TCP10L: variants seen among roughly 807,000 people sequenced by gnomAD.
The protein encoded by TCP10L is T-complex protein 10A homolog 1.
TCP10L carries 11 observed loss-of-function variants against 19.2 expected under a neutral mutation model. That is an observed-to-expected ratio of 0.57 (90% confidence interval 0.36 to 0.95). The LOEUF is 0.95. TCP10L is among the 40% of genes least tolerant of loss of function. TCP10L has a pLI of 0.01. For missense variants in TCP10L, 247 were observed against 263.9 expected, an observed-to-expected ratio of 0.94 and a Z score of 0.44; for synonymous variants, 96 against 97.2, an observed-to-expected ratio of 0.99 and a Z score of 0.07.
chr21:32,579,534 A>G (rs1299702262), intron 3 of TCP10L, among the ~76,000 whole-genome samples: 1 of 152,202 alleles, frequency 6.6e-6, no homozygotes, highest in Non-Finnish European at 1.5e-5. Flanking sequence ...GGATTCACAT[A>G]TCCCATCCTG....
chr21:32,578,801 G>T lies in TCP10L; in HGVS notation c.391C>A (p.Pro131Thr). The change falls in exon 4 of 5, where the codon CCT (proline) becomes ACT (threonine). Residue 131 changes from proline (P) to threonine (T), a missense_variant. Pro to Thr is a conservative substitution (Grantham distance 38). Transcript: ENST00000300258. This position sits in a 1 kb window ranked among gnomAD's most constrained non-coding sequence, Gnocchi z 4.2. ...ATTGTCTCTTCATCAGCTGACAGAG[G>T]TGAAATTTTTCCAAAAGCAGGTTCC... Reference protein sequence around the residue: ...ALEPAFGKISPLSADEETIPK... With the variant: ...ALEPAFGKISTLSADEETIPK... The T allele has an allele frequency of 1.9e-6, 3 of 1,614,170 alleles. No homozygotes were observed. Among genetic ancestry groups the T allele is most frequent in the Non-Finnish European group, 2.5e-6 (3 of 1,180,038 alleles).
At chr21:32,579,204 C>T (rs2038466346) in intron 3 of TCP10L, among the ~76,000 whole-genome samples, 1 of 152,230 alleles carries the variant, frequency 6.6e-6, no homozygotes, top group East Asian at 1.9e-4. Flanking sequence ...GTTGTCTCTA[C>T]AACTTGTCTA....
rs568315514 is a variant in TCP10L, at chr21:32,576,630, A to G, written c.*144T>C. ...ACTTCAAGTTTTTATCTATAGAAAC[A>G]TAATTAGTTTAATAAATTACTAGGT... On this transcript the variant is annotated 3_prime_UTR_variant, in exon 5 of 5. Coordinates refer to ENST00000300258, the MANE Select transcript of TCP10L (RefSeq NM_144659.7). The G allele has an allele frequency of 8.0e-6, 7 of 875,746 alleles. No individual in the cohort carries two copies. The highest frequency in any genetic ancestry group is 1.2e-5 in the Non-Finnish European group (7 of 577,684). The allele number at this position is 875,746 out of a possible 1,614,324, so 54.2% of individuals were successfully genotyped here. A position where few individuals can be genotyped will look rare whatever the true frequency, so the allele number is the denominator to read the frequency against.
intron 2 of TCP10L, 85 bp downstream of exon 2, chr21:32,584,076 G>A (rs1016664397): frequency 6.6e-7 from 1 of 1,511,474 alleles, no homozygotes; most frequent in Middle Eastern, 2.4e-4. Context: ...GGTCCAGCAA[G>A]GGAAAGTCCA....
At chr21:32,581,636 C>G (rs142427561) in intron 3 of TCP10L, among the ~76,000 whole-genome samples, 47 of 152,272 alleles carry the variant, frequency 3.1e-4, no homozygotes, top group African/African-American at 8.4e-4. Context: ...GCGAGCCACA[C>G]CCCCATCGCA....
At position 32,573,877 on chromosome 21, in the gene TCP10L, CTG is replaced by C. The variant is rs1035025242; in HGVS notation, c.*2895_*2896del. Among the ~76,000 whole-genome samples the C allele has an allele frequency of 3.9e-5, 6 of 152,166 alleles. No individual in the cohort carries two copies. The highest frequency in any genetic ancestry group is 1.4e-4 in the African/African-American group (6 of 41,436). On this transcript the variant is annotated 3_prime_UTR_variant, in exon 5 of 5. Transcript: ENST00000300258. The stretch of plus-strand genomic sequence containing the variant: ...AACATACAAATAACACCTGCCATGA[CTG>C]TGGCACTGTTTCTAAATGCAGATCA...
In TCP10L at chr21:32,578,654, C is replaced by A. The variant is rs932865586; in HGVS notation, c.498+40G>T. The A allele has an allele frequency of 3.1e-6, 5 of 1,594,820 alleles. No individual in the cohort carries two copies. The highest frequency in any genetic ancestry group is 4.3e-6 in the Non-Finnish European group (5 of 1,171,228). On this transcript the variant is annotated intron_variant, in intron 4 of 4. Transcript: ENST00000300258. The surrounding 1 kb of genome is among the most constrained non-coding windows in gnomAD (Gnocchi z 4.2). ...GGGATGTGTGTGTTTGGGTACAGAA[C>A]CTCTGCTTCTCTTTACAGATGATAA... is the stretch of plus-strand genomic sequence containing the variant.
chr21:32,584,840 G>A (rs2038542124), intron 1 of TCP10L, among the ~76,000 whole-genome samples: 1 of 152,150 alleles, frequency 6.6e-6, no homozygotes, highest in Non-Finnish European at 1.5e-5. Flanking sequence ...ACCGTGTTGA[G>A]TATGTGTCTT....
chr21:32,579,857 C>T (rs945825116), intron 3 of TCP10L, among the ~76,000 whole-genome samples: 5 of 152,130 alleles, frequency 3.3e-5, no homozygotes, highest in Non-Finnish European at 7.4e-5. Context: ...TGGACAATCC[C>T]GGCCAGTATT....
rs1024596707 is a variant in TCP10L, at chr21:32,573,837, C to T, written c.*2937G>A. ...TTCAACACCTGATACAAATAACACA[C>T]AGAGACATACAAATAACATACAAAT... On this transcript the variant is annotated 3_prime_UTR_variant, in exon 5 of 5. Coordinates refer to ENST00000300258, the MANE Select transcript of TCP10L (RefSeq NM_144659.7). Among the ~76,000 whole-genome samples, 1 of 152,156 alleles carries T rather than the reference C, an allele frequency of 6.6e-6. No individual in the cohort carries two copies. The highest frequency in any genetic ancestry group is 6.5e-5 in the Admixed American group (1 of 15,280).
In TCP10L at chr21:32,582,112, G is replaced by A. The variant is rs181162049; in HGVS notation, c.360+88C>T. The A allele has an allele frequency of 1.1e-4, 159 of 1,452,896 alleles. No homozygotes were observed. In the East Asian group the frequency reaches 3.3e-3, roughly 30 times the overall value. The allele number at this position is 1,452,896 out of a possible 1,614,324, so 90.0% of individuals were successfully genotyped here. ...CCACCCGGAGCGTGAGTGATACCGC[G>A]TCATTCAGCAATAAAGCCCACATCT... On this transcript the variant is annotated intron_variant, in intron 3 of 4. Transcript: ENST00000300258. The surrounding 1 kb of genome is among the most constrained non-coding windows in gnomAD (Gnocchi z 4.2).
At chr21:32,579,258 C>A (rs1009973112) in intron 3 of TCP10L, among the ~76,000 whole-genome samples, 2 of 152,196 alleles carry the variant, frequency 1.3e-5, no homozygotes, top group Non-Finnish European at 2.9e-5. Context: ...TATCAGCAGA[C>A]TGACCTGGAA....
At position 32,576,780 on chromosome 21, in the gene TCP10L, AC is replaced by A. The variant is rs541034925; in HGVS notation, c.641del (p.Gly214ValfsTer26). The A allele has an allele frequency of 1.4e-5, 23 of 1,609,864 alleles. No homozygotes were observed. Among genetic ancestry groups the A allele is most frequent in the South Asian group, 1.1e-4 (10 of 90,116 alleles). ...CGAGGCCACCTTTCCATCTTCAGACACCCCCCCGTCTCTCTGCACAGGGAGT... is the reference window on the plus strand; with the variant it reads ...CGAGGCCACCTTTCCATCTTCAGACACCCCCCGTCTCTCTGCACAGGGAGT... ...RPTPCAERRGGV is the reference protein window; with the variant it reads ...RPTPCAERRGXV On this transcript the variant is annotated frameshift_variant, in exon 5 of 5. Coordinates refer to ENST00000300258, the MANE Select transcript of TCP10L (RefSeq NM_144659.7). LOFTEE classifies it high-confidence loss of function.
chr21:32,576,809 G>T lies in TCP10L; in HGVS notation c.613C>A (p.Pro205Thr). The T allele has an allele frequency of 1.2e-6, 2 of 1,614,038 alleles. No individual in the cohort carries two copies. The highest frequency in any genetic ancestry group is 1.7e-6 in the Non-Finnish European group (2 of 1,180,008). ...QDRRATPTGR[P>T]TPCAERRGGV ...CCCCGTCTCTCTGCACAGGGAGTTGGCCTTCCAGTAGGTGTTGCTCTTCTG... is the reference window on the plus strand; with the variant it reads ...CCCCGTCTCTCTGCACAGGGAGTTGTCCTTCCAGTAGGTGTTGCTCTTCTG... Residue 205 changes from proline to threonine, a missense_variant, in exon 5 of 5, where the codon CCA becomes ACA. By Grantham distance (38) the Pro-to-Thr change is conservative (BLOSUM62 -1). Transcript: ENST00000300258.
chr21:32,577,026 A>C, intron 4 of TCP10L, 103 bp from the exon 5 acceptor site: 1 of 1,227,126 alleles, frequency 8.1e-7, no homozygotes, highest in South Asian at 1.5e-5. Flanking sequence ...AGATGATTCT[A>C]CTCCCCCTTC....
chr21:32,576,507 T>C lies in TCP10L; in HGVS notation c.*267A>G. Reference sequence around the variant, plus strand: ...GGTGGGTTAATTTTTTTAAAGACTCTGCAGAAATATACCAACTACAGAGCT... The same window carrying C: ...GGTGGGTTAATTTTTTTAAAGACTCCGCAGAAATATACCAACTACAGAGCT... On this transcript the variant is annotated 3_prime_UTR_variant, in exon 5 of 5. Coordinates refer to ENST00000300258, the MANE Select transcript of TCP10L (RefSeq NM_144659.7). 6 of 609,092 alleles carry C rather than the reference T, an allele frequency of 9.9e-6. No individual in the cohort carries two copies. Among genetic ancestry groups the C allele is most frequent in the Non-Finnish European group, 1.7e-5 (6 of 356,998 alleles). The allele number at this position is 609,092 out of a possible 1,614,324, so 37.7% of individuals were successfully genotyped here. A position where few individuals can be genotyped will look rare whatever the true frequency, so the allele number is the denominator to read the frequency against.
chr21:32,576,396 C>T lies in TCP10L; in HGVS notation c.*378G>A. 1 of 1,041,068 alleles carries T rather than the reference C, an allele frequency of 9.6e-7. No individual in the cohort carries two copies. The highest frequency in any genetic ancestry group is 1.4e-6 in the Non-Finnish European group (1 of 722,954). 64.5% of individuals were successfully genotyped at this position (1,041,068 alleles called of 1,614,324 possible). ...GCGGGCAATGCCTTGAGCCCAAAGG[C>T]TGGGAGCACAAAGCCATCTTCAGCC... On this transcript the variant is annotated 3_prime_UTR_variant, in exon 5 of 5. Coordinates refer to ENST00000300258, the MANE Select transcript of TCP10L (RefSeq NM_144659.7).
Position 32,576,190 on chromosome 21 carries a change from A to G in TCP10L, c.*584T>C. 1 of 1,308,128 alleles carries G rather than the reference A, an allele frequency of 7.6e-7. No homozygotes were observed. Among genetic ancestry groups the G allele is most frequent in the Non-Finnish European group, 1.1e-6 (1 of 936,238 alleles). The allele number at this position is 1,308,128 out of a possible 1,614,324, so 81.0% of individuals were successfully genotyped here. ...CGCATTTCACGGGGAGCATAGAAACAGGAGTCCCCAACTCTGCTCACCAGC... is the reference window on the plus strand; with the variant it reads ...CGCATTTCACGGGGAGCATAGAAACGGGAGTCCCCAACTCTGCTCACCAGC... On this transcript the variant is annotated 3_prime_UTR_variant, in exon 5 of 5. Coordinates refer to ENST00000300258, the MANE Select transcript of TCP10L (RefSeq NM_144659.7).
At chr21:32,580,569 T>G (rs1287145520) in intron 3 of TCP10L, among the ~76,000 whole-genome samples, 1 of 152,052 alleles carries the variant, frequency 6.6e-6, no homozygotes, top group Non-Finnish European at 1.5e-5. Context: ...AGTACCGATT[T>G]AAAAGTTCAC....
Sources: gnomAD v4.1 joint callset for allele counts (sites outside exome capture counted in the v4.1 genomes callset) on GRCh38, gnomAD v4.1.1 for gene constraint, Gnocchi (gnomAD v3.1) non-coding constraint, MANE v1.5 for transcripts, NCBI Gene and HGNC (gene_info 2026-07-23, HGNC 2026-07-21) for gene names.